COMMD10: variants seen among roughly 807,000 people sequenced by gnomAD.
COMMD10 encodes the protein COMM domain-containing protein 10.
A neutral mutation model predicts 28.9 loss-of-function variants in COMMD10; 33 were observed. The ratio of observed to expected loss-of-function variants is 1.14; its 90% CI spans 0.87 to 1.53. The LOEUF (loss-of-function observed/expected upper bound fraction) is 1.53. COMMD10 is among the 40% of genes most tolerant of loss of function. COMMD10 has a pLI of 0.00. For synonymous variants in COMMD10, 110 were observed against 81.7 expected (o/e 1.35, Z -1.87); for missense variants, 310 against 233.4 (o/e 1.33, Z -2.14).
chr5:116,284,322 TTGTA>T (rs1751159979), intron 5 of COMMD10, among the ~76,000 whole-genome samples: 3 of 151,338 alleles, frequency 2.0e-5, no homozygotes, highest in South Asian at 2.1e-4. Flanking sequence ...ATCTAAAGGA[TTGTA>T]TGTGTGTGTG....
intron 5 of COMMD10, among the ~76,000 whole-genome samples, chr5:116,168,443 G>A (rs1051079666): frequency 3.3e-5 from 5 of 151,950 alleles, no homozygotes; most frequent in Non-Finnish European, 7.4e-5. Context: ...AAATTAATAA[G>A]GATACTTAGG....
intron 5 of COMMD10, among the ~76,000 whole-genome samples, chr5:116,190,110 A>C (rs1395409946): frequency 1.3e-5 from 2 of 152,158 alleles, no homozygotes; most frequent in African/African-American, 4.8e-5. Flanking sequence ...CTCCACTGAA[A>C]GATAGCTATT....
chr5:116,130,666 A>G lies in COMMD10; in HGVS notation c.400-3402A>G, dbSNP rs73253207. Among the ~76,000 whole-genome samples, 1,199 of 152,082 alleles carry G rather than the reference A, an allele frequency of 7.9e-3. 16 individuals carry two copies. The highest frequency in any genetic ancestry group is 0.027 in the African/African-American group (1,108 of 41,538). Reference sequence around the variant, plus strand: ...CAGTTATCAAATAGTCTGTGACCCAAAATATTTAAGTGGCGACTCTAATTT... The same window carrying G: ...CAGTTATCAAATAGTCTGTGACCCAGAATATTTAAGTGGCGACTCTAATTT... On this transcript the variant is annotated intron_variant, in intron 4 of 6. Transcript: ENST00000274458.
chr5:116,101,876 C>T (rs749601039), intron 4 of COMMD10, among the ~76,000 whole-genome samples: 2 of 152,146 alleles, frequency 1.3e-5, no homozygotes, highest in Non-Finnish European at 2.9e-5. Flanking sequence ...TATTCATGTC[C>T]TTTGCCCTGT....
rs115258204 is a variant in COMMD10 at position 116,190,907 on chromosome 5, G to A, written c.510+56729G>A. 7.2e-3 allele frequency among the ~76,000 whole-genome samples: 1,092 copies of A among 152,232 alleles called. 17 individuals are homozygous for A. Among genetic ancestry groups the A allele is most frequent in the African/African-American group, 0.025 (1,047 of 41,536 alleles). ...TGAATATTTAAGTCATGTAAAATAT[G>A]TATTTTTAAAAGTCAAATTAAACAT... On this transcript the variant is annotated intron_variant, in intron 5 of 6. Transcript: ENST00000274458.
intron 4 of COMMD10, among the ~76,000 whole-genome samples, chr5:116,098,582 G>C (rs1750543193): frequency 6.6e-6 from 1 of 152,182 alleles, no homozygotes; most frequent in Non-Finnish European, 1.5e-5. Flanking sequence ...ATCTAGAGAT[G>C]ATTTAAAGTA....
At chr5:116,119,003 G>C (rs1479794673) in intron 4 of COMMD10, among the ~76,000 whole-genome samples, 2 of 152,206 alleles carry the variant, frequency 1.3e-5, no homozygotes, top group Non-Finnish European at 2.9e-5. Flanking sequence ...TAGAGTTGAT[G>C]TACTTTTTCA....
At chr5:116,211,268 C>T (rs1474115031) in intron 5 of COMMD10, among the ~76,000 whole-genome samples, 1 of 152,084 alleles carries the variant, frequency 6.6e-6, no homozygotes, top group Admixed American at 6.6e-5. Flanking sequence ...CCTGTGCAAA[C>T]ATCATAGAGT....
intron 5 of COMMD10, among the ~76,000 whole-genome samples, chr5:116,215,695 AAT>A (rs58135204): frequency 0.078 from 10,348 of 133,082 alleles, 328 homozygotes; most frequent in East Asian, 0.14. Context: ...TAAAAAAAGA[AAT>A]ATATATATAT....
intron 5 of COMMD10, among the ~76,000 whole-genome samples, chr5:116,166,434 G>C (rs1345265981): frequency 1.3e-5 from 2 of 152,108 alleles, no homozygotes; most frequent in African/African-American, 2.4e-5. Flanking sequence ...GTAATGCATT[G>C]AAATAAATTG....
intron 5 of COMMD10, among the ~76,000 whole-genome samples, chr5:116,188,045 A>G (rs1281370073): frequency 6.6e-6 from 1 of 152,166 alleles, no homozygotes; most frequent in East Asian, 1.9e-4. Flanking sequence ...TCATTACGTC[A>G]GTTTACAACA....
intron 4 of COMMD10, among the ~76,000 whole-genome samples, chr5:116,106,411 G>T (rs1029388913): frequency 6.6e-6 from 1 of 152,082 alleles, no homozygotes; most frequent in Non-Finnish European, 1.5e-5. Context: ...CAATTATGTG[G>T]TCAATTTTAG....
At chr5:116,178,602 C>T (rs940635884) in intron 5 of COMMD10, among the ~76,000 whole-genome samples, 7 of 152,002 alleles carry the variant, frequency 4.6e-5, no homozygotes, top group Admixed American at 2.0e-4. Flanking sequence ...GAGTTCCTGT[C>T]CCTAAAAACA....
At chr5:116,194,743 C>G (rs1254707528) in intron 5 of COMMD10, among the ~76,000 whole-genome samples, 1 of 151,966 alleles carries the variant, frequency 6.6e-6, no homozygotes, top group Non-Finnish European at 1.5e-5. Flanking sequence ...ACCAGACATT[C>G]AAAGAATTGG....
At chr5:116,101,258 C>T (rs1561600370) in intron 4 of COMMD10, among the ~76,000 whole-genome samples, 2 of 152,100 alleles carry the variant, frequency 1.3e-5, no homozygotes, top group Non-Finnish European at 2.9e-5. Context: ...GTAGATGCCC[C>T]ATTGAGGGAT....
intron 5 of COMMD10, among the ~76,000 whole-genome samples, chr5:116,238,588 T>G (rs1749737625): frequency 6.6e-6 from 1 of 152,192 alleles, no homozygotes. Context: ...ACAGTATACT[T>G]CAACATTTTA....
In COMMD10 at chr5:116,213,497, A is replaced by G. The variant is rs142045431; in HGVS notation, c.511-78020A>G. On this transcript the variant is annotated intron_variant, in intron 5 of 6. Transcript: ENST00000274458. ...AGGGTCTGTGTTCAGAAGATCTGTG[A>G]AACTCCTGAAATTGTCTGCCACATT... Among the ~76,000 whole-genome samples, 6 of 152,310 alleles carry G rather than the reference A, an allele frequency of 3.9e-5. No individual in the cohort carries two copies. The East Asian group carries it at 1.2e-3, about 29-fold the overall frequency.
chr5:116,219,343 T>C (rs1749186161), intron 5 of COMMD10, among the ~76,000 whole-genome samples: 1 of 152,120 alleles, frequency 6.6e-6, no homozygotes, highest in Non-Finnish European at 1.5e-5. Context: ...GTAGGCGGAA[T>C]AACAGCTCCT....
At chr5:116,270,729 G>C (rs531035771) in intron 5 of COMMD10, among the ~76,000 whole-genome samples, 1 of 151,820 alleles carries the variant, frequency 6.6e-6, no homozygotes, top group South Asian at 2.1e-4. Context: ...CTGAGGTCAG[G>C]AGCTCACGAC....
Sources: allele counts gnomAD v4.1 joint callset (sites outside exome capture counted in the v4.1 genomes callset), GRCh38; gene constraint gnomAD v4.1.1; transcripts MANE v1.5; gene names NCBI Gene and HGNC (gene_info 2026-07-23, HGNC 2026-07-21).